RHOBTB3: variants seen among roughly 807,000 people sequenced by gnomAD.
RHOBTB3 encodes the protein rho-related BTB domain-containing protein 3.
RHOBTB3 carries 47 observed loss-of-function variants against 67.2 expected under a neutral mutation model. The ratio of observed to expected loss-of-function variants is 0.70; its 90% confidence interval spans 0.55 to 0.89. RHOBTB3 has a LOEUF of 0.89. RHOBTB3 is among the 40% of genes least tolerant of loss of function. RHOBTB3 has a pLI of 0.00. For synonymous variants in RHOBTB3, 273 were observed against 274.2 expected, an observed-to-expected ratio of 1.00 and a Z score of 0.04; for missense variants, 631 against 750.0, an observed-to-expected ratio of 0.84 and a Z score of 1.85.
At position 95,766,729 on chromosome 5, in the gene RHOBTB3, G is replaced by T. The variant is rs139429420; in HGVS notation, c.1162-1317G>T. On this transcript the variant is annotated intron_variant, in intron 7 of 11. Transcript: ENST00000379982. ...ACCTGAAGACCACAGAAAGGATAAA[G>T]CACTGAGGTCTGAGTTAGACAGAGA... Among the ~76,000 whole-genome samples the T allele has an allele frequency of 4.5e-4, 68 of 152,248 alleles. No homozygotes were observed. The East Asian group carries it at 0.013, about 28-fold the overall frequency.
intron 6 of RHOBTB3, chr5:95,756,031 A>G (rs1745235799): frequency 5.3e-6 from 2 of 374,048 alleles, no homozygotes; most frequent in Non-Finnish European, 9.6e-6. Flanking sequence ...CATCTTAACC[A>G]TTTTTAAGAA....
At chr5:95,765,055 G>A (rs1745503956) in intron 7 of RHOBTB3, among the ~76,000 whole-genome samples, 1 of 151,798 alleles carries the variant, frequency 6.6e-6, no homozygotes. Context: ...ACTTGTTTAC[G>A]GACCAGTGAA....
At chr5:95,766,065 T>G (rs1460844069) in intron 7 of RHOBTB3, among the ~76,000 whole-genome samples, 1 of 152,230 alleles carries the variant, frequency 6.6e-6, no homozygotes, top group African/African-American at 2.4e-5. Flanking sequence ...GTATAGGATC[T>G]CAGAATGACT....
chr5:95,774,984 T>G (rs1305257915), intron 8 of RHOBTB3, among the ~76,000 whole-genome samples: 2 of 152,114 alleles, frequency 1.3e-5, no homozygotes, highest in Non-Finnish European at 2.9e-5. Context: ...GTGTTGTATT[T>G]TGGTATTGGT....
At chr5:95,731,298 C>G (rs1580389416), upstream of RHOBTB3, 8 of 1,041,368 alleles carry the variant, frequency 7.7e-6, no homozygotes, top group Admixed American at 5.7e-5. Flanking sequence ...CCCCGACCCC[C>G]CTTCTCTGCT....
At chr5:95,731,759 C>G in intron 1 of RHOBTB3, 75 bp downstream of exon 1, 1 of 1,606,736 alleles carries the variant, frequency 6.2e-7, no homozygotes, top group Middle Eastern at 1.7e-4. Flanking sequence ...GGGCTGGTGC[C>G]CATCCTCGCC....
chr5:95,791,073 G>A (rs537707031), intron 11 of RHOBTB3, among the ~76,000 whole-genome samples: 6 of 152,270 alleles, frequency 3.9e-5, no homozygotes, highest in Non-Finnish European at 7.4e-5. Flanking sequence ...AGTTGGGAAA[G>A]TTTCTTGTCA....
chr5:95,723,700 T>C (rs970096321), intron 1 of RHOBTB3, among the ~76,000 whole-genome samples: 1 of 152,238 alleles, frequency 6.6e-6, no homozygotes, highest in African/African-American at 2.4e-5. Context: ...CTTATCTGTG[T>C]TGCTTTTCCC....
At chr5:95,779,108 C>G (rs948697835) in intron 8 of RHOBTB3, among the ~76,000 whole-genome samples, 1 of 152,126 alleles carries the variant, frequency 6.6e-6, no homozygotes, top group Non-Finnish European at 1.5e-5. Flanking sequence ...ATGAAGAACC[C>G]AATAATTGTA....
Position 95,795,234 on chromosome 5 carries a change from T to C in RHOBTB3, c.*2060T>C, listed in dbSNP as rs1746536249. The C allele has an allele frequency of 6.6e-6, 1 of 152,226 alleles. No individual in the cohort carries two copies. The highest frequency in any genetic ancestry group is 1.5e-5 in the Non-Finnish European group (1 of 68,036). 9.4% of individuals were successfully genotyped at this position (152,226 alleles called of 1,614,324 possible). ...ACTGGAATCGATTTTATGTCTTTTGTATTTTAATCACTTGAGTTAATCAAC... is the reference window on the plus strand; with the variant it reads ...ACTGGAATCGATTTTATGTCTTTTGCATTTTAATCACTTGAGTTAATCAAC... On this transcript the variant is annotated 3_prime_UTR_variant, in exon 12 of 12. Transcript: ENST00000379982.
intron 4 of RHOBTB3, among the ~76,000 whole-genome samples, chr5:95,751,807 G>A (rs1239535031): frequency 6.6e-6 from 1 of 152,170 alleles, no homozygotes; most frequent in East Asian, 1.9e-4. Context: ...TCTTGTTCCT[G>A]TTAGTTCGTT....
rs528028156 is a variant in RHOBTB3 at position 95,766,749 on chromosome 5, C to T, written c.1162-1297C>T. Among the ~76,000 whole-genome samples the T allele has an allele frequency of 4.4e-4, 67 of 152,264 alleles. 1 individual carries two copies. The Middle Eastern group carries it at 0.017, about 39-fold the overall frequency. ...ATAAAGCACTGAGGTCTGAGTTAGA[C>T]AGAGAGGCTGCTCCCGGAGCCACTA... On this transcript the variant is annotated intron_variant, in intron 7 of 11. Transcript: ENST00000379982.
At chr5:95,774,345 A>C (rs1745807261) in intron 8 of RHOBTB3, among the ~76,000 whole-genome samples, 1 of 152,174 alleles carries the variant, frequency 6.6e-6, no homozygotes, top group Non-Finnish European at 1.5e-5. Flanking sequence ...GCTTAGAAAA[A>C]GGGGTTGGGA....
chr5:95,782,874 T>C (rs1024170536), intron 9 of RHOBTB3: 1 of 146,232 alleles, frequency 6.8e-6, no homozygotes, highest in African/African-American at 2.5e-5. Context: ...TATTTTATCA[T>C]AATAAAAACA....
upstream of RHOBTB3, among the ~76,000 whole-genome samples, chr5:95,726,198 G>GTATT (rs1376249122): frequency 1.6e-4 from 24 of 152,266 alleles, no homozygotes; most frequent in African/African-American, 5.8e-4. Context: ...TATTCTCAAG[G>GTATT]TATTTGCTAA....
chr5:95,773,684 C>A (rs761056099), intron 8 of RHOBTB3, among the ~76,000 whole-genome samples: 5 of 152,210 alleles, frequency 3.3e-5, no homozygotes, highest in Admixed American at 1.3e-4. Flanking sequence ...TCTTCTTGCA[C>A]TACTTGCAGG....
At chr5:95,749,774 T>C (rs549200471) in intron 4 of RHOBTB3, among the ~76,000 whole-genome samples, 1 of 152,314 alleles carries the variant, frequency 6.6e-6, no homozygotes, top group Non-Finnish European at 1.5e-5. Flanking sequence ...TTGGTTTCAT[T>C]TGTTGAGGGG....
chr5:95,773,202 A>T (rs999937741), intron 8 of RHOBTB3, among the ~76,000 whole-genome samples: 11 of 152,174 alleles, frequency 7.2e-5, no homozygotes, highest in African/African-American at 2.7e-4. Context: ...TTCTTCCATG[A>T]TTCTACCTAC....
At position 95,783,978 on chromosome 5, in the gene RHOBTB3, G is replaced by C. The variant is rs992344865; in HGVS notation, c.1623+15G>C. ...AAAAGGCCAAGGTAATTGACTCTGT[G>C]TATCTGATAGCCTAGTTTTTTATAA... On this transcript the variant is annotated intron_variant, in intron 10 of 11. Transcript: ENST00000379982. 1 of 1,564,742 alleles carries C rather than the reference G, an allele frequency of 6.4e-7. No homozygotes were observed. The highest frequency in any genetic ancestry group is 8.7e-7 in the Non-Finnish European group (1 of 1,150,966).
Sources: gnomAD v4.1 joint callset for allele counts (sites outside exome capture counted in the v4.1 genomes callset) on GRCh38, gnomAD v4.1.1 for gene constraint, MANE v1.5 for transcripts, NCBI Gene and HGNC (gene_info 2026-07-23, HGNC 2026-07-21) for gene names.